ZNF732: variants seen among roughly 807,000 people sequenced by gnomAD.
The protein encoded by ZNF732 is zinc finger protein LOC654254.
In ZNF732, 12 loss-of-function variants were observed where a neutral mutation model predicts 11.5. The ratio of observed to expected loss-of-function variants is 1.05; its 90% CI spans 0.67 to 1.70. ZNF732 has a LOEUF of 1.70. Among genes scored for constraint, ZNF732 ranks in the 40% most tolerant of loss-of-function variants. The pLI is 0.00. For synonymous variants in ZNF732, 231 were observed against 236.5 expected, an observed-to-expected ratio of 0.98 and a Z score of 0.21; for missense variants, 702 against 676.9, an observed-to-expected ratio of 1.04 and a Z score of -0.41.
intron 3 of ZNF732, among the ~76,000 whole-genome samples, chr4:290,831 C>T (rs1198806959): frequency 6.6e-6 from 1 of 152,232 alleles, no homozygotes; most frequent in Non-Finnish European, 1.5e-5. Context: ...CCTTGTGACC[C>T]AGCTACAACC....
intron 1 of ZNF732, among the ~76,000 whole-genome samples, chr4:300,477 AAAG>A (rs1264070213): frequency 6.6e-6 from 1 of 151,634 alleles, no homozygotes; most frequent in Non-Finnish European, 1.5e-5. Context: ...AAAAAAAAGA[AAAG>A]AAAAGAAAAA....
chr4:270,896 CG>C lies in ZNF732; in HGVS notation c.*202del. On this transcript the variant is annotated 3_prime_UTR_variant, in exon 4 of 4. Transcript: ENST00000419098. ...ATTTTCTTATGTTGATTCAGGTATGCGGACTGTTTGAAGGCTTTCCCACATT... is the reference window on the plus strand; with the variant it reads ...ATTTTCTTATGTTGATTCAGGTATGCGACTGTTTGAAGGCTTTCCCACATT... The C allele has an allele frequency of 1.5e-6, 1 of 674,806 alleles. No individual in the cohort carries two copies. Among genetic ancestry groups the C allele is most frequent in the Non-Finnish European group, 2.7e-6 (1 of 369,020 alleles). 41.8% of individuals were successfully genotyped at this position (674,806 alleles called of 1,614,324 possible).
At chr4:302,283 AT>A (rs1287173742) in intron 1 of ZNF732, among the ~76,000 whole-genome samples, 14 of 152,196 alleles carry the variant, frequency 9.2e-5, no homozygotes, top group Admixed American at 9.2e-4. Context: ...ATCATCTCCA[AT>A]CCTAAAAAAC....
At chr4:289,659 T>C (rs1458094105) in intron 3 of ZNF732, among the ~76,000 whole-genome samples, 12 of 152,210 alleles carry the variant, frequency 7.9e-5, no homozygotes, top group African/African-American at 2.9e-4. Context: ...TTTTTCTTTG[T>C]TAAAATAGTT....
At chr4:284,540 AAAT>A (rs1719687238) in intron 3 of ZNF732, among the ~76,000 whole-genome samples, 1 of 152,132 alleles carries the variant, frequency 6.6e-6, no homozygotes, top group South Asian at 2.1e-4. Flanking sequence ...ATAATAAAGA[AAAT>A]AATAAAAAAC....
At chr4:284,935 G>C (rs1389523937) in intron 3 of ZNF732, among the ~76,000 whole-genome samples, 1 of 149,020 alleles carries the variant, frequency 6.7e-6, no homozygotes. Flanking sequence ...AAAGATAAAA[G>C]GCAGAGAAAG....
At chr4:304,336 G>C (rs1027314704) in intron 1 of ZNF732, among the ~76,000 whole-genome samples, 1 of 151,878 alleles carries the variant, frequency 6.6e-6, no homozygotes, top group Admixed American at 6.6e-5. Flanking sequence ...TGGAGGAAAA[G>C]GACAGTGCCC....
chr4:284,422 C>A (rs1244114088), intron 3 of ZNF732, among the ~76,000 whole-genome samples: 3 of 152,000 alleles, frequency 2.0e-5, no homozygotes, highest in African/African-American at 7.3e-5. Flanking sequence ...GTAACAAAAG[C>A]AGTTCCAAGA....
intron 1 of ZNF732, among the ~76,000 whole-genome samples, chr4:304,337 G>A (rs1361547812): frequency 3.3e-5 from 5 of 151,832 alleles, no homozygotes; most frequent in African/African-American, 1.2e-4. Flanking sequence ...GGAGGAAAAG[G>A]ACAGTGCCCA....
chr4:300,631 C>G (rs1720097832), intron 1 of ZNF732, among the ~76,000 whole-genome samples: 1 of 152,064 alleles, frequency 6.6e-6, no homozygotes, highest in Non-Finnish European at 1.5e-5. Flanking sequence ...GATAAAAGTT[C>G]TGTGCTTCTC....
At position 295,534 on chromosome 4, in the gene ZNF732, CTGTT is replaced by C. The variant is rs782330592; in HGVS notation, c.131-5_131-2del. 116 of 1,608,880 alleles carry C rather than the reference CTGTT, an allele frequency of 7.2e-5. No homozygotes were observed. In the South Asian group the frequency reaches 1.2e-3, roughly 17 times the overall value. ...AGGTCTGGGTTAGAGATAGCAACAC[CTGTT>C]TATTTTAAAAAATTAACATGCTACT... On this transcript the variant is annotated splice_acceptor_variant and splice_polypyrimidine_tract_variant and intron_variant, in intron 2 of 3. Transcript: ENST00000419098. LOFTEE classifies it high-confidence loss of function.
intron 1 of ZNF732, among the ~76,000 whole-genome samples, chr4:300,602 A>G (rs1720096958): frequency 6.6e-6 from 1 of 152,192 alleles, no homozygotes; most frequent in Non-Finnish European, 1.5e-5. Flanking sequence ...CTGATCATTA[A>G]AATAACTTGT....
At chr4:305,257 C>G in intron 1 of ZNF732, 51 bp downstream of exon 1, 5 of 1,589,934 alleles carry the variant, frequency 3.1e-6, no homozygotes, top group Non-Finnish European at 4.3e-6. Flanking sequence ...CATTTCCCGC[C>G]GGTTCGGATG....
In ZNF732 at chr4:296,086, G is replaced by A; in HGVS notation, c.73C>T (p.Gln25Ter). 6.2e-7 allele frequency: 1 copy of A among 1,613,910 alleles called. No individual in the cohort carries two copies. The highest frequency in any genetic ancestry group is 1.7e-5 in the Admixed American group (1 of 59,984). Residue 25 changes from glutamine to a stop codon, truncating the protein, a stop_gained, in exon 2 of 4, where the codon CAG becomes TAG. Coordinates refer to ENST00000419098, the MANE Select transcript of ZNF732 (RefSeq NM_001137608.3). LOFTEE classifies it high-confidence loss of function. ...PEEWKCLDPA[Q>*]QNLYRDVMLE... is the part of the protein sequence containing the mutation. ...ATCACATCTCTATACAAATTCTGCT[G>A]GGCAGGGTCCAGGCATTTCCACTCT...
rs189569237 is a variant in ZNF732, at chr4:296,597, T to C, written c.4-442A>G. On this transcript the variant is annotated intron_variant, in intron 1 of 3. Coordinates refer to ENST00000419098, the MANE Select transcript of ZNF732 (RefSeq NM_001137608.3). ...TCTCTTCAAATTGTCCGTGTGATCC[T>C]ACTGCAACACTGGGCTGAGAGTCAC... Among the ~76,000 whole-genome samples, 4 of 152,334 alleles carry C rather than the reference T, an allele frequency of 2.6e-5. No homozygotes were observed. The East Asian group carries it at 7.7e-4, about 29-fold the overall frequency.
Position 271,780 on chromosome 4 carries a change from C to G in ZNF732, c.1077G>C (p.Glu359Asp). Residue 359 changes from glutamate to aspartate, a missense_variant, in exon 4 of 4, where the codon GAG (glutamate) becomes GAC (aspartate). Physicochemically the swap from Glu to Asp is conservative, Grantham distance 45. This residue lies in a region of ZNF732 where 596 missense variants were observed against 557.9 expected (regional missense o/e 1.07). Coordinates refer to ENST00000419098, the MANE Select transcript of ZNF732 (RefSeq NM_001137608.3). Reference sequence around the variant, plus strand: ...CACATTGTTCACATTTGTAGGGCTTCTCTCCAGTATGAATTCTCTTATGTT... The same window carrying G: ...CACATTGTTCACATTTGTAGGGCTTGTCTCCAGTATGAATTCTCTTATGTT... ...LNEHKRIHTG[E>D]KPYKCEQCGK... 1.9e-6 allele frequency: 3 copies of G among 1,612,344 alleles called. No individual in the cohort carries two copies. Among genetic ancestry groups the G allele is most frequent in the Non-Finnish European group, 2.5e-6 (3 of 1,179,004 alleles).
In ZNF732 at chr4:272,476, A is replaced by T; in HGVS notation, c.381T>A (p.Asn127Lys). 1.9e-6 allele frequency: 3 copies of T among 1,602,592 alleles called. No individual in the cohort carries two copies. Among genetic ancestry groups the T allele is most frequent in the Non-Finnish European group, 2.6e-6 (3 of 1,173,572 alleles). ...TAGTTGACAAGCATTGATTAAATTC[A>T]TTATAACCTCCTTTCTGCACCTTCC... ...CKRKVQKGGYNEFNQCLSTIQ... is the reference protein window; with the variant it reads ...CKRKVQKGGYKEFNQCLSTIQ... The change falls in exon 4 of 4, where the codon AAT (asparagine) becomes AAA (lysine). Residue 127 changes from asparagine (N) to lysine (K), a missense_variant. By Grantham distance (94) the Asn-to-Lys change is moderately conservative. This residue lies in a region of ZNF732 where 596 missense variants were observed against 557.9 expected (regional missense o/e 1.07). Transcript: ENST00000419098.
chr4:293,726 TTGAG>T (rs1338821370), intron 3 of ZNF732, among the ~76,000 whole-genome samples: 10 of 152,148 alleles, frequency 6.6e-5, no homozygotes, highest in African/African-American at 1.7e-4. Context: ...GGTTAGCTAT[TTGAG>T]TAATAGATGT....
chr4:290,643 AC>A (rs782126120), intron 3 of ZNF732, among the ~76,000 whole-genome samples: 1 of 152,108 alleles, frequency 6.6e-6, no homozygotes, highest in Non-Finnish European at 1.5e-5. Context: ...CCATTCATAC[AC>A]CTGTTATTTG....
Sources: allele counts gnomAD v4.1 joint callset (sites outside exome capture counted in the v4.1 genomes callset), GRCh38; gene constraint gnomAD v4.1.1; regional missense constraint gnomAD v4.1.1; transcripts MANE v1.5; gene names NCBI Gene and HGNC (gene_info 2026-07-23, HGNC 2026-07-21).